COL14A1: variants seen among roughly 807,000 people sequenced by gnomAD.
COL14A1 encodes the protein collagen alpha-1(XIV) chain.
In COL14A1, 136 loss-of-function variants were observed where a neutral mutation model predicts 230.3. That is an observed-to-expected ratio of 0.59 (90% CI 0.51 to 0.68). The LOEUF is 0.68. Among genes scored for constraint, COL14A1 ranks in the 30% least tolerant of loss-of-function variants. The pLI is 0.00. For synonymous variants in COL14A1, 792 were observed against 784.1 expected (o/e 1.01, Z -0.17); for missense variants, 1,976 against 2,215.8 (o/e 0.89, Z 2.17).
At position 120,247,727 on chromosome 8, in the gene COL14A1, C is replaced by G. The variant is rs766432787; in HGVS notation, c.2594C>G (p.Pro865Arg). ...PVKGYRIVYK[P>R]VSVPGPTLET... ...AAAGGCTATAGAATTGTCTACAAAC[C>G]TGTCAGTGGTAAGTAATGCTTTGTA... The change falls in exon 21 of 48, where the codon CCT becomes CGT. Residue 865 changes from proline to arginine, a missense_variant. Pro to Arg is a moderately radical substitution (Grantham distance 103). Coordinates refer to ENST00000297848, the MANE Select transcript of COL14A1 (RefSeq NM_021110.4). The G allele has an allele frequency of 6.2e-7, 1 of 1,613,926 alleles. No homozygotes were observed. The highest frequency in any genetic ancestry group is 1.7e-5 in the Admixed American group (1 of 59,988).
At chr8:120,288,640 T>C (rs147127378) in intron 33 of COL14A1, among the ~76,000 whole-genome samples, 2 of 152,160 alleles carry the variant, frequency 1.3e-5, no homozygotes, top group South Asian at 4.1e-4. Flanking sequence ...GGCTTTTACT[T>C]AGGGCAAAAC....
intron 5 of COL14A1, among the ~76,000 whole-genome samples, chr8:120,193,269 G>C (rs1816894527): frequency 6.6e-6 from 1 of 152,228 alleles, no homozygotes; most frequent in Non-Finnish European, 1.5e-5. Flanking sequence ...CTAACAGACA[G>C]GACGCTCGGC....
chr8:120,248,022 A>G (rs922852504), intron 21 of COL14A1, among the ~76,000 whole-genome samples: 1 of 152,206 alleles, frequency 6.6e-6, no homozygotes, highest in Non-Finnish European at 1.5e-5. Context: ...CTAGACCAGG[A>G]ACCAATCTAA....
At chr8:120,181,308 A>G (rs1013368784) in intron 5 of COL14A1, among the ~76,000 whole-genome samples, 2 of 152,194 alleles carry the variant, frequency 1.3e-5, no homozygotes, top group African/African-American at 4.8e-5. Flanking sequence ...ATCATGAAAA[A>G]ATTGAAGAAT....
At chr8:120,315,369 TAAAAA>T (rs56356824) in intron 38 of COL14A1, among the ~76,000 whole-genome samples, 159 bp from the exon 39 acceptor site, 1,792 of 111,808 alleles carry the variant, frequency 0.016, 26 homozygotes, top group Admixed American at 0.042. Context: ...AGACTCCATT[TAAAAA>T]AAAAAAAAAA....
intron 19 of COL14A1, among the ~76,000 whole-genome samples, chr8:120,232,254 CT>C (rs1267534354): frequency 2.6e-5 from 4 of 151,896 alleles, no homozygotes; most frequent in African/African-American, 9.7e-5. Flanking sequence ...ATGATACACT[CT>C]TTTTTTCTAA....
At chr8:120,152,254 A>T (rs1004793237) in intron 2 of COL14A1, among the ~76,000 whole-genome samples, 2 of 151,862 alleles carry the variant, frequency 1.3e-5, no homozygotes. Context: ...GAGGTCAGGA[A>T]ATCGAGACCA....
At position 120,315,599 on chromosome 8, in the gene COL14A1, T is replaced by G. The variant is rs749127282; in HGVS notation, c.4605+13T>G. The G allele has an allele frequency of 6.2e-7, 1 of 1,610,108 alleles. No homozygotes were observed. The highest frequency in any genetic ancestry group is 8.5e-7 in the Non-Finnish European group (1 of 1,177,050). ...TCCAGGTCCACAGGTATTATTTTTG[T>G]TTTTTAAGTCTATTGCTCTCAGTCT... On this transcript the variant is annotated intron_variant, in intron 39 of 47. Transcript: ENST00000297848.
At chr8:120,237,591 AC>A (rs1270105897) in intron 19 of COL14A1, among the ~76,000 whole-genome samples, 5 of 152,162 alleles carry the variant, frequency 3.3e-5, no homozygotes, top group Non-Finnish European at 5.9e-5. Context: ...GTTACTGCTT[AC>A]CTTCTGGAGC....
At chr8:120,192,270 G>T (rs1279418535) in intron 5 of COL14A1, among the ~76,000 whole-genome samples, 1 of 152,092 alleles carries the variant, frequency 6.6e-6, no homozygotes, top group East Asian at 1.9e-4. Context: ...GCATTTGCTT[G>T]TCTTTAAAGT....
chr8:120,168,357 C>A, intron 5 of COL14A1, 110 bp downstream of exon 5: 1 of 710,786 alleles, frequency 1.4e-6, no homozygotes, highest in Non-Finnish European at 2.4e-6. Flanking sequence ...AGGTCTAATA[C>A]GAAGATCGCC....
At chr8:120,268,575 T>C (rs1336933661) in intron 25 of COL14A1, among the ~76,000 whole-genome samples, 1 of 151,726 alleles carries the variant, frequency 6.6e-6, no homozygotes, top group African/African-American at 2.4e-5. Flanking sequence ...GATGGTGCTT[T>C]TGCAACTTGA....
chr8:120,369,574 A>C (rs1823519381), intron 47 of COL14A1, 89 bp downstream of exon 47: 4 of 1,290,008 alleles, frequency 3.1e-6, no homozygotes, highest in Non-Finnish European at 4.1e-6. Flanking sequence ...CTATGAAAAA[A>C]GTTAAATTGG....
chr8:120,260,497 T>C (rs1373982664), intron 23 of COL14A1, among the ~76,000 whole-genome samples: 1 of 152,188 alleles, frequency 6.6e-6, no homozygotes, highest in African/African-American at 2.4e-5. Flanking sequence ...CGGATAGTTC[T>C]TTTTAACCAC....
At chr8:120,322,223 G>T (rs966496400) in intron 40 of COL14A1, among the ~76,000 whole-genome samples, 5 of 151,872 alleles carry the variant, frequency 3.3e-5, no homozygotes, top group Admixed American at 6.6e-5. Context: ...GGGCCTGTTG[G>T]GGGGTGGGGT....
At chr8:120,144,169 A>T (rs1289120679) in intron 1 of COL14A1, among the ~76,000 whole-genome samples, 1 of 148,400 alleles carries the variant, frequency 6.7e-6, no homozygotes, top group African/African-American at 2.4e-5. Context: ...AGTTGGACAG[A>T]AACAATCTTG....
At chr8:120,328,622 A>C (rs1291919508) in intron 40 of COL14A1, among the ~76,000 whole-genome samples, 2 of 152,148 alleles carry the variant, frequency 1.3e-5, no homozygotes, top group Non-Finnish European at 2.9e-5. Context: ...ATCCTTCCAG[A>C]TGATATGCAC....
rs1035620358 is a variant in COL14A1 at position 120,263,026 on chromosome 8, G to C, written c.3016+12G>C. On this transcript the variant is annotated intron_variant, in intron 24 of 47. Transcript: ENST00000297848. ...AATGGAAAAAACACGTAAGTCATGT[G>C]TGTTCTCTCCTGATCCCTCTCCCCA... 2.4e-5 allele frequency: 39 copies of C among 1,597,076 alleles called. No individual in the cohort carries two copies. The highest frequency in any genetic ancestry group is 3.0e-5 in the Non-Finnish European group (35 of 1,173,290).
At chr8:120,286,049 C>G in intron 33 of COL14A1, 79 bp downstream of exon 33, 1 of 794,516 alleles carries the variant, frequency 1.3e-6, no homozygotes, top group Non-Finnish European at 2.1e-6. Context: ...TTCCATAGGG[C>G]TTTGGATCTC....
Sources: allele counts gnomAD v4.1 joint callset (sites outside exome capture counted in the v4.1 genomes callset), GRCh38; gene constraint gnomAD v4.1.1; transcripts MANE v1.5; gene names NCBI Gene and HGNC (gene_info 2026-07-23, HGNC 2026-07-21).